The following ADGRB3 variants were observed in gnomAD, a reference collection of about 807,000 sequenced individuals.
ADGRB3 encodes brain-specific angiogenesis inhibitor 3.
A neutral mutation model predicts 193.4 loss-of-function variants in ADGRB3; 37 were observed. The observed-to-expected ratio is 0.19, with a 90% CI of 0.15 to 0.25. ADGRB3 has a LOEUF of 0.25. Among genes scored for constraint, ADGRB3 ranks in the 10% least tolerant of loss-of-function variants. ADGRB3 has a pLI of 1.00. For missense variants in ADGRB3, 1,637 were observed against 1,852.9 expected (o/e 0.88, Z 2.14); for synonymous variants, 690 against 644.2 (o/e 1.07, Z -1.08).
intron 3 of ADGRB3, among the ~76,000 whole-genome samples, chr6:68,853,642 G>C (rs901576077): frequency 3.9e-5 from 6 of 151,994 alleles, no homozygotes; most frequent in African/African-American, 1.4e-4. Context: ...TTATTTATCT[G>C]CTCAATCTGG....
intron 3 of ADGRB3, among the ~76,000 whole-genome samples, chr6:68,778,145 A>T (rs1156280953): frequency 4.6e-5 from 7 of 152,076 alleles, no homozygotes; most frequent in Non-Finnish European, 1.0e-4. Context: ...CTGCCAGCAA[A>T]TGACATTGTC....
chr6:68,739,543 G>A (rs1029482615), intron 3 of ADGRB3, among the ~76,000 whole-genome samples: 2 of 152,096 alleles, frequency 1.3e-5, no homozygotes, highest in African/African-American at 2.4e-5. Context: ...GAGTGCACAG[G>A]TCTAGATGCA....
chr6:69,339,032 A>T lies in ADGRB3; in HGVS notation c.3287+18A>T. 6.2e-7 allele frequency: 1 copy of T among 1,611,734 alleles called. No individual in the cohort carries two copies. The highest frequency in any genetic ancestry group is 8.5e-7 in the Non-Finnish European group (1 of 1,178,498). The stretch of plus-strand genomic sequence containing the variant: ...AACGCCATGTTAGTCCCAATCATTT[A>T]CATCTTCTTGTTACAAATCTTTTAC... On this transcript the variant is annotated intron_variant, in intron 25 of 31. Coordinates refer to ENST00000370598, the MANE Select transcript of ADGRB3 (RefSeq NM_001704.3).
At chr6:69,163,602 G>A (rs1470615276) in intron 17 of ADGRB3, among the ~76,000 whole-genome samples, 1 of 152,098 alleles carries the variant, frequency 6.6e-6, no homozygotes, top group Non-Finnish European at 1.5e-5. Context: ...TTGCTTGGAA[G>A]TGACCCAAAG....
intron 10 of ADGRB3, among the ~76,000 whole-genome samples, chr6:68,980,147 T>C (rs13218644): frequency 6.6e-6 from 1 of 151,538 alleles, no homozygotes; most frequent in African/African-American, 2.4e-5. Flanking sequence ...ATATCCCCTT[T>C]TAGGTTATTG....
At chr6:69,381,841 G>C (rs1373194452) in intron 30 of ADGRB3, among the ~76,000 whole-genome samples, 2 of 151,870 alleles carry the variant, frequency 1.3e-5, no homozygotes, top group African/African-American at 4.8e-5. Flanking sequence ...TGAGGCATAT[G>C]CTTAAAATAC....
chr6:68,939,695 A>G (rs1767583898), intron 5 of ADGRB3, among the ~76,000 whole-genome samples: 1 of 152,206 alleles, frequency 6.6e-6, no homozygotes, highest in African/African-American at 2.4e-5. Context: ...TTTGTTGTGC[A>G]GGTAAATATG....
chr6:69,131,424 T>C (rs76611987), intron 17 of ADGRB3, among the ~76,000 whole-genome samples: 1,862 of 152,084 alleles, frequency 0.012, 32 homozygotes, highest in Non-Finnish European at 0.017. Context: ...TTCTGAGACC[T>C]ATCTCAAGTT....
At chr6:68,699,296 G>T (rs1161057870) in intron 3 of ADGRB3, among the ~76,000 whole-genome samples, 1 of 152,024 alleles carries the variant, frequency 6.6e-6, no homozygotes. Context: ...AAACTAGCAC[G>T]TAAATGAGGC....
intron 3 of ADGRB3, among the ~76,000 whole-genome samples, chr6:68,874,905 G>A (rs1261405443): frequency 6.6e-6 from 1 of 152,132 alleles, no homozygotes; most frequent in Non-Finnish European, 1.5e-5. Context: ...AATTTAAAGA[G>A]TGCTCTAGTA....
At chr6:69,321,632 C>A (rs956443757) in intron 20 of ADGRB3, among the ~76,000 whole-genome samples, 2 of 151,674 alleles carry the variant, frequency 1.3e-5, no homozygotes, top group Non-Finnish European at 2.9e-5. Context: ...TCACTGGGGG[C>A]TTACTGATGT....
chr6:69,065,764 TACACAC>T (rs3043304), intron 16 of ADGRB3, among the ~76,000 whole-genome samples: 28 of 129,272 alleles, frequency 2.2e-4, no homozygotes, highest in South Asian at 7.4e-4. Flanking sequence ...TGTATATATA[TACACAC>T]ACACACACAC....
At chr6:68,718,667 C>T (rs2127321749) in intron 3 of ADGRB3, among the ~76,000 whole-genome samples, 1 of 151,900 alleles carries the variant, frequency 6.6e-6, no homozygotes, top group African/African-American at 2.4e-5. Context: ...CAGTCAAAAT[C>T]TGTCTCTCAA....
intron 17 of ADGRB3, among the ~76,000 whole-genome samples, chr6:69,221,012 C>T (rs1554174155): frequency 6.6e-6 from 1 of 151,958 alleles, no homozygotes; most frequent in Non-Finnish European, 1.5e-5. Context: ...ATATTTGTCT[C>T]CACACCACAC....
intron 3 of ADGRB3, among the ~76,000 whole-genome samples, chr6:68,852,590 A>G (rs1236726076): frequency 1.3e-5 from 2 of 152,002 alleles, no homozygotes; most frequent in Admixed American, 1.3e-4. Context: ...TGGCTTCATT[A>G]AACATTTTGA....
chr6:68,636,835 A>T (rs1767970288), intron 1 of ADGRB3, among the ~76,000 whole-genome samples: 1 of 152,146 alleles, frequency 6.6e-6, no homozygotes, highest in Non-Finnish European at 1.5e-5. Context: ...TGATTATAAA[A>T]TGAAGTCCCC....
intron 3 of ADGRB3, among the ~76,000 whole-genome samples, chr6:68,649,111 C>A (rs1768286056): frequency 6.6e-6 from 1 of 152,078 alleles, no homozygotes; most frequent in Non-Finnish European, 1.5e-5. Context: ...AATTTTACTA[C>A]AAATCAGATC....
intron 3 of ADGRB3, among the ~76,000 whole-genome samples, chr6:68,854,950 C>T (rs1764937136): frequency 1.3e-5 from 2 of 151,976 alleles, no homozygotes; most frequent in African/African-American, 2.4e-5. Context: ...TTAATCCTGC[C>T]CCAAAAACCC....
At chr6:68,776,572 A>T (rs992900426) in intron 3 of ADGRB3, among the ~76,000 whole-genome samples, 4 of 152,190 alleles carry the variant, frequency 2.6e-5, no homozygotes, top group Non-Finnish European at 5.9e-5. Context: ...TGGTGAGAGA[A>T]GCCTGCTAAC....
Sources: gnomAD v4.1 joint callset for allele counts (sites outside exome capture counted in the v4.1 genomes callset) on GRCh38, gnomAD v4.1.1 for gene constraint, MANE v1.5 for transcripts, NCBI Gene and HGNC (gene_info 2026-07-23, HGNC 2026-07-21) for gene names.